Variants in CDC42SE2 observed in about 807,000 individuals in gnomAD.
CDC42SE2 encodes CDC42 small effector protein 2.
Under a neutral mutation model 11.5 loss-of-function variants are expected in CDC42SE2, and 3 were observed. The observed-to-expected ratio is 0.26, with a 90% CI of 0.12 to 0.67. The LOEUF (loss-of-function observed/expected upper bound fraction) is 0.67. Among genes scored for constraint, CDC42SE2 ranks in the 30% least tolerant of loss-of-function variants. The pLI, the probability that CDC42SE2 is intolerant of heterozygous loss-of-function variation, is 0.80. For synonymous variants in CDC42SE2, 33 were observed against 34.8 expected (o/e 0.95, Z 0.18); for missense variants, 82 against 106.8 (o/e 0.77, Z 1.02).
upstream of CDC42SE2, chr5:131,264,008 C>T (rs1245666070): frequency 1.3e-5 from 2 of 151,634 alleles, no homozygotes; most frequent in African/African-American, 4.8e-5. Context: ...CGCCGCCTCT[C>T]GCTCCGCCCA....
intron 2 of CDC42SE2, among the ~76,000 whole-genome samples, chr5:131,318,328 C>T (rs1451826924): frequency 6.6e-6 from 1 of 152,124 alleles, no homozygotes; most frequent in Non-Finnish European, 1.5e-5. Flanking sequence ...TTTAGTAATA[C>T]AGGAAATTTA....
intron 1 of CDC42SE2, among the ~76,000 whole-genome samples, chr5:131,267,471 A>G (rs989680313): frequency 2.2e-4 from 34 of 152,170 alleles, no homozygotes; most frequent in African/African-American, 8.2e-4. Flanking sequence ...CTTGTGTTAT[A>G]ATTGCTGGAA....
At chr5:131,210,417 C>A in the CDC42SE2 span, among the ~76,000 whole-genome samples, 2 of 152,286 alleles carry the variant, frequency 1.3e-5, no homozygotes, top group Admixed American at 1.3e-4. Context: ...CTTCTTGAAT[C>A]CTTCTTCCTT....
intron 1 of CDC42SE2, among the ~76,000 whole-genome samples, chr5:131,308,582 G>C (rs1463151826): frequency 2.6e-5 from 4 of 151,954 alleles, no homozygotes; most frequent in African/African-American, 9.7e-5. Context: ...CATGAGCATG[G>C]AGTGTTCTTC....
intron 4 of CDC42SE2, among the ~76,000 whole-genome samples, chr5:131,390,227 A>G (rs981765607): frequency 3.9e-5 from 6 of 152,204 alleles, no homozygotes; most frequent in East Asian, 1.9e-4. Context: ...TTATCAGGCT[A>G]TATTAACATG....
intron 3 of CDC42SE2, among the ~76,000 whole-genome samples, chr5:131,367,139 G>GTA (rs111863431): frequency 1.9e-4 from 28 of 150,930 alleles, no homozygotes; most frequent in South Asian, 1.0e-3. Context: ...ACATATGTGT[G>GTA]TATATATATA....
the CDC42SE2 span, among the ~76,000 whole-genome samples, chr5:131,211,639 G>T: frequency 1.3e-5 from 2 of 152,138 alleles, no homozygotes; most frequent in Admixed American, 6.5e-5. Flanking sequence ...GCATGCCTTT[G>T]CTAGGCACCC....
At chr5:131,282,645 T>A (rs558142590) in intron 1 of CDC42SE2, among the ~76,000 whole-genome samples, 2 of 152,076 alleles carry the variant, frequency 1.3e-5, no homozygotes, top group African/African-American at 2.4e-5. Context: ...ATTATTATTA[T>A]TGAGATGGAA....
rs576754345 is a variant in CDC42SE2 at position 131,292,018 on chromosome 5, C to T, written c.-454-23958C>T. Among the ~76,000 whole-genome samples, 86 of 151,420 alleles carry T rather than the reference C, an allele frequency of 5.7e-4. No individual in the cohort carries two copies. The South Asian group carries it at 6.5e-3, about 11-fold the overall frequency. ...CAGCACATTGGGAGGCAGAGGTGGACGGATCACGAGGTCAAGAGATTGAGA... is the reference window on the plus strand; with the variant it reads ...CAGCACATTGGGAGGCAGAGGTGGATGGATCACGAGGTCAAGAGATTGAGA... On this transcript the variant is annotated intron_variant, in intron 1 of 4. Transcript: ENST00000505065.
intron 1 of CDC42SE2, among the ~76,000 whole-genome samples, chr5:131,273,260 A>G (rs1389785321): frequency 6.8e-6 from 1 of 147,104 alleles, no homozygotes; most frequent in Non-Finnish European, 1.5e-5. Flanking sequence ...GGTTCAAGTG[A>G]TTCTCCTGTC....
At chr5:131,320,054 G>GAAAAAA (rs763857152) in intron 2 of CDC42SE2, among the ~76,000 whole-genome samples, 1 of 62,746 alleles carries the variant, frequency 1.6e-5, no homozygotes, top group Non-Finnish European at 3.4e-5. Context: ...CCGTCTTAAA[G>GAAAAAA]AAAAAAAAAA....
chr5:131,278,729 C>T (rs1757162089), intron 1 of CDC42SE2, among the ~76,000 whole-genome samples: 1 of 4,282 alleles, frequency 2.3e-4, no homozygotes, highest in Non-Finnish European at 4.7e-4. Flanking sequence ...CCCCTCCCCC[C>T]TCCCCTCCCC....
chr5:131,271,634 C>T (rs140278425), intron 1 of CDC42SE2, among the ~76,000 whole-genome samples: 10 of 152,272 alleles, frequency 6.6e-5, no homozygotes, highest in East Asian at 1.9e-4. Flanking sequence ...TGGCTGTAAA[C>T]GTTTCTTCAA....
chr5:131,344,671 T>A (rs1758797103), intron 2 of CDC42SE2, among the ~76,000 whole-genome samples: 1 of 151,890 alleles, frequency 6.6e-6, no homozygotes, highest in African/African-American at 2.4e-5. Flanking sequence ...CAGCACGGAG[T>A]TTCAGATCTG....
At chr5:131,252,932 A>C (rs1215318382) in intron 1 of CDC42SE2, 1 of 152,200 alleles carries the variant, frequency 6.6e-6, no homozygotes. Flanking sequence ...AATTTCCTCC[A>C]CTAGATCTAT....
intron 1 of CDC42SE2, among the ~76,000 whole-genome samples, chr5:131,302,568 A>C (rs1442535235): frequency 6.6e-6 from 1 of 151,948 alleles, no homozygotes; most frequent in Non-Finnish European, 1.5e-5. Flanking sequence ...CACCCACCTC[A>C]GCCTCCCGAA....
chr5:131,271,148 T>TTTATCTTG (rs1756987379), intron 1 of CDC42SE2, among the ~76,000 whole-genome samples: 1 of 152,214 alleles, frequency 6.6e-6, no homozygotes, highest in South Asian at 2.1e-4. Flanking sequence ...TCCAGTTTCC[T>TTTATCTTG]TTATCTTGCA....
At chr5:131,214,099 A>C in the CDC42SE2 span, among the ~76,000 whole-genome samples, 4 of 152,240 alleles carry the variant, frequency 2.6e-5, no homozygotes, top group African/African-American at 9.6e-5. Flanking sequence ...AAATATAAAA[A>C]TAATGTATTA....
At chr5:131,356,007 T>C (rs1049649255) in intron 2 of CDC42SE2, among the ~76,000 whole-genome samples, 1 of 152,226 alleles carries the variant, frequency 6.6e-6, no homozygotes, top group Non-Finnish European at 1.5e-5. Flanking sequence ...TTAAGGAAGC[T>C]CACTAGCTAA....
Sources: gnomAD v4.1 joint callset for allele counts (sites outside exome capture counted in the v4.1 genomes callset) on GRCh38, gnomAD v4.1.1 for gene constraint, MANE v1.5 for transcripts, NCBI Gene and HGNC (gene_info 2026-07-23, HGNC 2026-07-21) for gene names.